Variants in FAM163A observed in about 807,000 individuals in gnomAD.
FAM163A encodes the protein family with sequence similarity 163 member A.
In FAM163A, 7 loss-of-function variants were observed where a neutral mutation model predicts 12.0. That is an observed-to-expected ratio of 0.58 (90% CI 0.33 to 1.10). FAM163A has a LOEUF of 1.10. Among genes scored for constraint, FAM163A ranks in the 50% least tolerant of loss-of-function variants. The probability of loss-of-function intolerance (pLI) is 0.03; values close to 1 mark genes in which losing one functional copy is unlikely to be tolerated. For synonymous variants in FAM163A, 101 were observed against 91.0 expected, an observed-to-expected ratio of 1.11 and a Z score of -0.62; for missense variants, 202 against 218.6, an observed-to-expected ratio of 0.92 and a Z score of 0.48.
intron 1 of FAM163A, among the ~76,000 whole-genome samples, chr1:179,798,372 C>T (rs1446050039): frequency 6.6e-6 from 1 of 152,224 alleles, no homozygotes; most frequent in African/African-American, 2.4e-5. Flanking sequence ...CTGTGTCTCA[C>T]ACGGGGCTTG....
In FAM163A at chr1:179,814,672, C is replaced by G. The variant is rs1695144160; in HGVS notation, c.*483C>G. 1 of 158,424 alleles carries G rather than the reference C, an allele frequency of 6.3e-6. No individual in the cohort carries two copies. The highest frequency in any genetic ancestry group is 1.4e-5 in the Non-Finnish European group (1 of 71,800). The allele number at this position is 158,424 out of a possible 1,614,324, so 9.8% of individuals were successfully genotyped here. On this transcript the variant is annotated 3_prime_UTR_variant, in exon 5 of 5. Transcript: ENST00000341785. ...ATTGGAGAAGCGAGGGGCGGGGCGT[C>G]AACGGCACTGCTTCAGGACGCGCTT... is the stretch of plus-strand genomic sequence containing the variant.
intron 1 of FAM163A, among the ~76,000 whole-genome samples, chr1:179,782,581 G>T (rs1689948522): frequency 6.6e-6 from 1 of 152,184 alleles, no homozygotes; most frequent in Non-Finnish European, 1.5e-5. Context: ...GTTCTGAACA[G>T]TTTCTTGTGC....
intron 1 of FAM163A, among the ~76,000 whole-genome samples, chr1:179,793,499 C>T (rs115142749): frequency 0.019 from 2,872 of 152,216 alleles, 41 homozygotes; most frequent in Non-Finnish European, 0.027. Flanking sequence ...GAAAAGCGTA[C>T]GTGCTCATGC....
Position 179,814,055 on chromosome 1 carries a change from T to C in FAM163A, c.370T>C (p.Phe124Leu), listed in dbSNP as rs768877546. Residue 124 changes from phenylalanine (F) to leucine (L), a missense_variant, in exon 5 of 5, where the codon TTT becomes CTT. Physicochemically the swap from Phe to Leu is conservative, Grantham distance 22. Coordinates refer to ENST00000341785, the MANE Select transcript of FAM163A (RefSeq NM_173509.3). ...PNGGGGERLS[F>L]APTYYKEGGP... ...TGGGGGTGGAGGCGAGAGGCTCTCC[T>C]TTGCTCCCACATACTACAAAGAGGG... The C allele has an allele frequency of 1.2e-6, 2 of 1,613,898 alleles. No homozygotes were observed. The highest frequency in any genetic ancestry group is 1.1e-5 in the South Asian group (1 of 91,034).
chr1:179,765,693 T>G (rs1386144722), intron 1 of FAM163A, among the ~76,000 whole-genome samples: 7 of 151,844 alleles, frequency 4.6e-5, no homozygotes, highest in Admixed American at 6.6e-5. Context: ...TTTTTTTTTT[T>G]TTTTTTGCTG....
chr1:179,744,323 G>T (rs528783755), intron 1 of FAM163A, among the ~76,000 whole-genome samples: 10 of 152,060 alleles, frequency 6.6e-5, no homozygotes, highest in Admixed American at 5.2e-4. Flanking sequence ...GCGGCCCAGA[G>T]GGGGGCCTGG....
intron 1 of FAM163A, among the ~76,000 whole-genome samples, chr1:179,774,496 G>T (rs1440222014): frequency 1.3e-5 from 2 of 152,200 alleles, no homozygotes; most frequent in Non-Finnish European, 2.9e-5. Flanking sequence ...CCTTCGTCAG[G>T]TTCTCAAAGG....
intron 1 of FAM163A, among the ~76,000 whole-genome samples, chr1:179,789,474 C>T (rs1375497999): frequency 3.3e-5 from 5 of 152,190 alleles, no homozygotes; most frequent in Non-Finnish European, 7.3e-5. Flanking sequence ...GAGCCACCGC[C>T]CCCGGCAGGG....
chr1:179,750,415 G>A (rs1374078362), intron 1 of FAM163A, among the ~76,000 whole-genome samples: 1 of 152,206 alleles, frequency 6.6e-6, no homozygotes, highest in Non-Finnish European at 1.5e-5. Flanking sequence ...GGAAGGAGCT[G>A]GAAGTCATCC....
chr1:179,778,144 G>A (rs1342204627), intron 1 of FAM163A, among the ~76,000 whole-genome samples: 5 of 152,206 alleles, frequency 3.3e-5, no homozygotes, highest in African/African-American at 9.6e-5. Context: ...GTTGGGGTAA[G>A]ATGTAACAAA....
chr1:179,810,269 TGA>T (rs1235601485), intron 2 of FAM163A, among the ~76,000 whole-genome samples: 1 of 152,028 alleles, frequency 6.6e-6, no homozygotes. Flanking sequence ...AGCCCAGAAG[TGA>T]GAGAGCTTCA....
chr1:179,810,981 T>A (rs1160910551), intron 2 of FAM163A, among the ~76,000 whole-genome samples: 1 of 152,118 alleles, frequency 6.6e-6, no homozygotes, highest in African/African-American at 2.4e-5. Flanking sequence ...AGGCAGAGGT[T>A]GCAGTGAGCC....
chr1:179,729,288 C>T, the FAM163A span, among the ~76,000 whole-genome samples: 7 of 152,120 alleles, frequency 4.6e-5, no homozygotes, highest in Non-Finnish European at 8.8e-5. Context: ...TAATTGTGAG[C>T]CCCTTACACT....
intron 1 of FAM163A, among the ~76,000 whole-genome samples, chr1:179,787,628 C>T (rs967443759): frequency 2.6e-5 from 4 of 152,310 alleles, no homozygotes; most frequent in African/African-American, 9.6e-5. Context: ...GGTCTAGACA[C>T]ACCGCTCTAC....
chr1:179,805,076 T>G (rs1693734382), intron 1 of FAM163A, among the ~76,000 whole-genome samples: 1 of 152,222 alleles, frequency 6.6e-6, no homozygotes, highest in Admixed American at 6.5e-5. Flanking sequence ...TCTTCAAATG[T>G]CCCTTTACTT....
chr1:179,739,339 C>A (rs1683361866), upstream of FAM163A, among the ~76,000 whole-genome samples: 3 of 152,086 alleles, frequency 2.0e-5, no homozygotes, highest in Non-Finnish European at 2.9e-5. Flanking sequence ...TTAAAAATTT[C>A]TCTACAAAGT....
chr1:179,776,406 G>A (rs144042467), intron 1 of FAM163A, among the ~76,000 whole-genome samples: 184 of 151,500 alleles, frequency 1.2e-3, no homozygotes, highest in African/African-American at 4.2e-3. Context: ...CAGGAGAATC[G>A]CTTAAACCTG....
chr1:179,811,345 G>C (rs906955694), intron 2 of FAM163A, among the ~76,000 whole-genome samples: 5 of 152,190 alleles, frequency 3.3e-5, no homozygotes, highest in Admixed American at 3.3e-4. Context: ...CAGCTTGAGA[G>C]GTGATGAGTC....
chr1:179,727,936 T>C, the FAM163A span, among the ~76,000 whole-genome samples: 1 of 150,888 alleles, frequency 6.6e-6, no homozygotes, highest in African/African-American at 2.5e-5. Flanking sequence ...CATAAGAAAG[T>C]TGGTGACTTT....
Sources: gnomAD v4.1 joint callset for allele counts (sites outside exome capture counted in the v4.1 genomes callset) on GRCh38, gnomAD v4.1.1 for gene constraint, MANE v1.5 for transcripts, NCBI Gene and HGNC (gene_info 2026-07-23, HGNC 2026-07-21) for gene names.